The following SLC24A2 variants were observed in gnomAD, a reference collection of about 807,000 sequenced individuals.
SLC24A2 encodes the protein sodium/potassium/calcium exchanger 2.
SLC24A2 carries 36 observed loss-of-function variants against 62.0 expected under a neutral mutation model. The observed-to-expected ratio is 0.58, with a 90% confidence interval of 0.44 to 0.77. SLC24A2 has a LOEUF of 0.77. Among genes scored for constraint, SLC24A2 ranks in the 30% least tolerant of loss-of-function variants. SLC24A2 has a pLI of 0.00. For synonymous variants in SLC24A2, 358 were observed against 294.0 expected, an observed-to-expected ratio of 1.22 and a Z score of -2.23; for missense variants, 846 against 817.9, an observed-to-expected ratio of 1.03 and a Z score of -0.42.
At chr9:19,952,773 A>T in the SLC24A2 span, among the ~76,000 whole-genome samples, 2 of 151,496 alleles carry the variant, frequency 1.3e-5, no homozygotes, top group Admixed American at 1.3e-4. Context: ...TTAGTTGGGA[A>T]GTATTTTCTA....
At chr9:20,215,236 G>A in the SLC24A2 span, among the ~76,000 whole-genome samples, 2,103 of 152,284 alleles carry the variant, frequency 0.014, 20 homozygotes, top group Middle Eastern at 0.031. Flanking sequence ...TCCCAATCAT[G>A]AAAGCTCTGT....
In SLC24A2 at chr9:19,641,841, T is replaced by G. The variant is rs189203569; in HGVS notation, c.931-19542A>C. ...GTAGAGAATGGCACTACCATTCTAC[T>G]CAGCTGTTCAAGCCAAAAAATTACT... On this transcript the variant is annotated intron_variant, in intron 2 of 10. Coordinates refer to ENST00000341998, the MANE Select transcript of SLC24A2 (RefSeq NM_020344.4). 2.5e-3 allele frequency among the ~76,000 whole-genome samples: 378 copies of G among 152,324 alleles called. 3 individuals carry two copies. The highest frequency in any genetic ancestry group is 8.5e-3 in the African/African-American group (352 of 41,566).
chr9:19,923,112 A>AC, the SLC24A2 span, among the ~76,000 whole-genome samples: 1 of 152,056 alleles, frequency 6.6e-6, no homozygotes, highest in Non-Finnish European at 1.5e-5. Flanking sequence ...TGGGCCCTCC[A>AC]CACTGTGCCT....
At chr9:19,739,874 G>C (rs1017555708) in intron 2 of SLC24A2, among the ~76,000 whole-genome samples, 10 of 152,230 alleles carry the variant, frequency 6.6e-5, no homozygotes, top group African/African-American at 2.4e-4. Context: ...AGAAAGAAAA[G>C]GCAAGTTAGA....
chr9:20,094,297 C>G, the SLC24A2 span, among the ~76,000 whole-genome samples: 3 of 152,086 alleles, frequency 2.0e-5, no homozygotes, highest in African/African-American at 4.8e-5. Context: ...TCTGGAAAAC[C>G]CTTTTTTACT....
chr9:20,269,682 T>C, the SLC24A2 span, among the ~76,000 whole-genome samples: 4 of 152,076 alleles, frequency 2.6e-5, no homozygotes, highest in Non-Finnish European at 5.9e-5. Flanking sequence ...CTCACCAAGA[T>C]TTTTTTTCAA....
the SLC24A2 span, among the ~76,000 whole-genome samples, chr9:19,882,725 T>G: frequency 3.9e-3 from 591 of 151,198 alleles, 5 homozygotes; most frequent in African/African-American, 0.013. Flanking sequence ...GGGCAAACAC[T>G]TTCTAAAGAT....
chr9:19,911,101 T>G, the SLC24A2 span, among the ~76,000 whole-genome samples: 1 of 124,944 alleles, frequency 8.0e-6, no homozygotes, highest in Admixed American at 1.1e-4. Context: ...CAGAGTGTGA[T>G]GTTCCCTTTC....
chr9:19,850,967 GTA>G, the SLC24A2 span, among the ~76,000 whole-genome samples: 177 of 18,176 alleles, frequency 9.7e-3, 10 homozygotes, highest in African/African-American at 0.027. Context: ...ATATATATAT[GTA>G]TATATATATA....
At position 19,513,153 on chromosome 9, in the gene SLC24A2, G is replaced by GATATATATATATATATATATATGT. The variant is rs1200031018; in HGVS notation, c.*2976_*2999dup. On this transcript the variant is annotated 3_prime_UTR_variant, in exon 11 of 11. Coordinates refer to ENST00000341998, the MANE Select transcript of SLC24A2 (RefSeq NM_020344.4). ...TGTGTACATATAGATCTGGTATAAA[G>GATATATATATATATATATATATGT]ATATATATATATATATATATATGTA... 3 of 80,594 alleles carry GATATATATATATATATATATATGT rather than the reference G, an allele frequency of 3.7e-5. No individual in the cohort carries two copies. Among genetic ancestry groups the GATATATATATATATATATATATGT allele is most frequent in the Non-Finnish European group, 7.5e-5 (3 of 40,262 alleles). The allele number at this position is 80,594 out of a possible 1,614,324, so 5.0% of individuals were successfully genotyped here.
chr9:19,606,070 C>G (rs1433274747), intron 4 of SLC24A2, among the ~76,000 whole-genome samples: 2 of 152,186 alleles, frequency 1.3e-5, no homozygotes, highest in African/African-American at 4.8e-5. Flanking sequence ...CTCCTAGAAT[C>G]AGGTCTTCAT....
the SLC24A2 span, among the ~76,000 whole-genome samples, chr9:19,990,616 C>CAAAAAAAAAAA: frequency 2.2e-5 from 1 of 45,130 alleles, no homozygotes; most frequent in African/African-American, 9.4e-5. Flanking sequence ...CCTAAAAAAA[C>CAAAAAAAAAAA]AAAAAAAAAA....
chr9:20,048,521 T>C, the SLC24A2 span, among the ~76,000 whole-genome samples: 2 of 152,212 alleles, frequency 1.3e-5, no homozygotes, highest in Admixed American at 1.3e-4. Context: ...AACTGCTTCA[T>C]GTTTTACAGG....
At chr9:19,976,691 C>A in the SLC24A2 span, among the ~76,000 whole-genome samples, 4 of 152,132 alleles carry the variant, frequency 2.6e-5, no homozygotes, top group African/African-American at 9.7e-5. Flanking sequence ...ACATTATATG[C>A]AAATAGTCCA....
chr9:20,261,127 G>T, the SLC24A2 span, among the ~76,000 whole-genome samples: 1 of 151,874 alleles, frequency 6.6e-6, no homozygotes, highest in Non-Finnish European at 1.5e-5. Context: ...TAAAGTGCTG[G>T]GATTACAGGC....
the SLC24A2 span, among the ~76,000 whole-genome samples, chr9:20,260,269 C>A: frequency 1.3e-5 from 2 of 152,328 alleles, no homozygotes; most frequent in South Asian, 2.1e-4. Context: ...CAAATACTGG[C>A]ATCTCAATCT....
intron 2 of SLC24A2, among the ~76,000 whole-genome samples, chr9:19,755,111 G>C (rs1301850306): frequency 1.3e-5 from 2 of 152,148 alleles, no homozygotes; most frequent in Non-Finnish European, 2.9e-5. Context: ...AGATGGCCTG[G>C]GCTTAAATCC....
At position 19,786,804 on chromosome 9, in the gene SLC24A2, C is replaced by A. The variant is rs762513335; in HGVS notation, c.63G>T (p.Leu21=). The A allele has an allele frequency of 2.5e-6, 4 of 1,611,036 alleles. No homozygotes were observed. Residue 21 remains leucine, a synonymous_variant, in exon 2 of 11, where the codon CTG becomes CTT. Transcript: ENST00000341998. This position sits in a 1 kb window ranked among gnomAD's most constrained non-coding sequence, Gnocchi z 5.0. ...SLEKWCLDES[L]SGCRRHYSVK... ...CACTATAATGTCTTCTGCAGCCAGA[C>A]AGTGACTCATCCAAACACCATTTCT...
At chr9:20,302,339 C>T in the SLC24A2 span, among the ~76,000 whole-genome samples, 1 of 152,182 alleles carries the variant, frequency 6.6e-6, no homozygotes, top group Non-Finnish European at 1.5e-5. Context: ...TTATATTTTG[C>T]ACCCACACCA....
Sources: allele counts gnomAD v4.1 joint callset (sites outside exome capture counted in the v4.1 genomes callset), GRCh38; gene constraint gnomAD v4.1.1; non-coding constraint Gnocchi (gnomAD v3.1); transcripts MANE v1.5; gene names NCBI Gene and HGNC (gene_info 2026-07-23, HGNC 2026-07-21).